RBFOX1: variants seen among roughly 807,000 people sequenced by gnomAD.
RBFOX1 encodes RNA binding protein fox-1 homolog 1.
In RBFOX1, 8 loss-of-function variants were observed where a neutral mutation model predicts 57.7. The ratio of observed to expected loss-of-function variants is 0.14; its 90% CI spans 0.08 to 0.25. RBFOX1 has a LOEUF of 0.25. RBFOX1 is among the 10% of genes least tolerant of loss of function. The pLI, the probability that RBFOX1 is intolerant of heterozygous loss-of-function variation, is 1.00. For synonymous variants in RBFOX1, 326 were observed against 222.4 expected (o/e 1.47, Z -4.15); for missense variants, 611 against 548.5 (o/e 1.11, Z -1.14).
chr16:5,628,192 T>C (rs946193134), intron 3 of RBFOX1, among the ~76,000 whole-genome samples: 1 of 152,218 alleles, frequency 6.6e-6, no homozygotes, highest in Non-Finnish European at 1.5e-5. Context: ...AGATAGTCTA[T>C]TGAGAAATAC....
chr16:6,699,416 C>T (rs575253638), intron 3 of RBFOX1, among the ~76,000 whole-genome samples: 2 of 151,956 alleles, frequency 1.3e-5, no homozygotes, highest in African/African-American at 4.8e-5. Context: ...GAGTCCAGAC[C>T]ATGCTGCGTG....
intron 2 of RBFOX1, among the ~76,000 whole-genome samples, chr16:6,387,932 C>T (rs2092385640): frequency 6.7e-6 from 1 of 150,228 alleles, no homozygotes; most frequent in African/African-American, 2.5e-5. Context: ...GAAAGGTGAG[C>T]ATGCGCACCT....
At chr16:6,634,154 T>C (rs1378360902) in intron 2 of RBFOX1, among the ~76,000 whole-genome samples, 1 of 152,202 alleles carries the variant, frequency 6.6e-6, no homozygotes, top group Non-Finnish European at 1.5e-5. Context: ...GAGTAATTCA[T>C]GGAGGTTCAG....
chr16:5,592,972 G>A (rs2047059467), intron 2 of RBFOX1, among the ~76,000 whole-genome samples: 1 of 152,164 alleles, frequency 6.6e-6, no homozygotes, highest in Non-Finnish European at 1.5e-5. Flanking sequence ...GAGACCTACT[G>A]AGCTGTGTTC....
chr16:7,476,639 G>A (rs1294959935), intron 4 of RBFOX1, among the ~76,000 whole-genome samples: 2 of 152,106 alleles, frequency 1.3e-5, no homozygotes, highest in Non-Finnish European at 2.9e-5. Context: ...AGGATGCCTG[G>A]AAATTTCACC....
At chr16:6,519,347 A>G (rs984018523) in intron 2 of RBFOX1, among the ~76,000 whole-genome samples, 1 of 152,120 alleles carries the variant, frequency 6.6e-6, no homozygotes, top group African/African-American at 2.4e-5. Flanking sequence ...TTGGAGAAGA[A>G]ATACTGTACA....
At chr16:7,492,094 C>T (rs1041174276) in intron 4 of RBFOX1, among the ~76,000 whole-genome samples, 1 of 152,126 alleles carries the variant, frequency 6.6e-6, no homozygotes, top group African/African-American at 2.4e-5. Flanking sequence ...ATTAAATTTA[C>T]CATGCCAAAA....
At chr16:7,594,404 C>G (rs182236522) in intron 7 of RBFOX1, among the ~76,000 whole-genome samples, 2 of 152,262 alleles carry the variant, frequency 1.3e-5, no homozygotes, top group African/African-American at 2.4e-5. Flanking sequence ...AGTGAAAAAT[C>G]TGAAAGAGCT....
At chr16:6,735,148 C>G (rs544956616) in intron 3 of RBFOX1, among the ~76,000 whole-genome samples, 2 of 150,614 alleles carry the variant, frequency 1.3e-5, no homozygotes, top group South Asian at 2.1e-4. Flanking sequence ...GACCCTGTCT[C>G]AACAAAAACA....
At position 6,252,407 on chromosome 16, in the gene RBFOX1, C is replaced by G. The variant is rs147298792; in HGVS notation, c.-126-64588C>G. ...GCAGAAAATTCAATTAAAAACAAAA[C>G]AAAAAAGAAGAAAAAGCATCTTCCA... On this transcript the variant is annotated intron_variant, in intron 1 of 15. Transcript: ENST00000550418. 2.6e-4 allele frequency among the ~76,000 whole-genome samples: 39 copies of G among 152,002 alleles called. No individual in the cohort carries two copies. In the East Asian group the frequency reaches 6.4e-3, roughly 25 times the overall value.
At chr16:6,916,852 GTT>G (rs1205614958) in intron 3 of RBFOX1, among the ~76,000 whole-genome samples, 1 of 151,914 alleles carries the variant, frequency 6.6e-6, no homozygotes, top group Non-Finnish European at 1.5e-5. Context: ...GTTTGTTTTT[GTT>G]TTTTTGTGTG....
At chr16:6,556,156 C>G (rs866637459) in intron 2 of RBFOX1, among the ~76,000 whole-genome samples, 1 of 151,996 alleles carries the variant, frequency 6.6e-6, no homozygotes, top group African/African-American at 2.4e-5. Flanking sequence ...AGTAATAAAC[C>G]CTGTCTTTAT....
chr16:7,098,077 C>G (rs886689758), intron 4 of RBFOX1, among the ~76,000 whole-genome samples: 1 of 152,114 alleles, frequency 6.6e-6, no homozygotes, highest in Non-Finnish European at 1.5e-5. Context: ...ACTTAAAAGG[C>G]TAATCAAACA....
At chr16:7,646,971 G>T (rs996222751) in intron 11 of RBFOX1, among the ~76,000 whole-genome samples, 1 of 151,714 alleles carries the variant, frequency 6.6e-6, no homozygotes, top group Non-Finnish European at 1.5e-5. Flanking sequence ...GGGGAGACAG[G>T]CAGTTAGCAG....
At chr16:7,686,905 G>A (rs895065365) in intron 14 of RBFOX1, among the ~76,000 whole-genome samples, 8 of 152,110 alleles carry the variant, frequency 5.3e-5, no homozygotes, top group South Asian at 2.1e-4. Flanking sequence ...GATGAACTTG[G>A]GTTTGAATTT....
intron 3 of RBFOX1, among the ~76,000 whole-genome samples, chr16:5,741,224 G>A (rs534365132): frequency 6.6e-6 from 1 of 152,100 alleles, no homozygotes; most frequent in Non-Finnish European, 1.5e-5. Flanking sequence ...GGGCTGCCAC[G>A]TCATTCCAAA....
chr16:6,969,601 G>T (rs375145006), intron 3 of RBFOX1, among the ~76,000 whole-genome samples: 6 of 151,960 alleles, frequency 3.9e-5, no homozygotes, highest in Admixed American at 2.6e-4. Flanking sequence ...AAAATTAGTT[G>T]GGCATTATGG....
rs115938200 is a variant in RBFOX1 at position 7,435,059 on chromosome 16, C to G, written c.28-83088C>G. On this transcript the variant is annotated intron_variant, in intron 4 of 15. Coordinates refer to ENST00000550418, the MANE Select transcript of RBFOX1 (RefSeq NM_018723.4). ...TATTTTACATATGGTACGTTTATCA[C>G]AACTAATGAACCAATATTGATACAT... Among the ~76,000 whole-genome samples, 379 of 152,300 alleles carry G rather than the reference C, an allele frequency of 2.5e-3. 2 individuals are homozygous for G. The highest frequency in any genetic ancestry group is 8.7e-3 in the African/African-American group (363 of 41,558).
intron 4 of RBFOX1, among the ~76,000 whole-genome samples, chr16:7,217,868 A>G (rs566358861): frequency 6.6e-6 from 1 of 151,958 alleles, no homozygotes; most frequent in South Asian, 2.1e-4. Context: ...ATGTGTGTAC[A>G]CGCGTGTGTG....
Sources: allele counts gnomAD v4.1 joint callset (sites outside exome capture counted in the v4.1 genomes callset), GRCh38; gene constraint gnomAD v4.1.1; transcripts MANE v1.5; gene names NCBI Gene and HGNC (gene_info 2026-07-23, HGNC 2026-07-21).